The following VPS45 variants were observed in gnomAD, a reference collection of about 807,000 sequenced individuals.
VPS45 encodes the protein vacuolar protein sorting-associated protein 45.
In VPS45, 35 loss-of-function variants were observed where a neutral mutation model predicts 75.9. The observed-to-expected ratio is 0.46, with a 90% CI of 0.35 to 0.61. The LOEUF (loss-of-function observed/expected upper bound fraction) is 0.61. Ranked by LOEUF, VPS45 falls within the 20% of genes least tolerant of loss-of-function variation. VPS45 has a pLI of 0.00. For synonymous variants in VPS45, 220 were observed against 238.2 expected (o/e 0.92, Z 0.70); for missense variants, 559 against 685.9 (o/e 0.81, Z 2.07).
In VPS45 at chr1:150,136,743, A is replaced by G. The variant is rs115498242; in HGVS notation, c.1626-7966A>G. ...AGAAAGAGCAGTCAAGGCTGAGGAA[A>G]AGCATGATTAAGGACAGGAGCAAGA... On this transcript the variant is annotated intron_variant, in intron 14 of 14. Coordinates refer to ENST00000644510, the MANE Select transcript of VPS45 (RefSeq NM_007259.5). Among the ~76,000 whole-genome samples the G allele has an allele frequency of 5.5e-3, 821 of 150,616 alleles. 12 individuals carry two copies. Among genetic ancestry groups the G allele is most frequent in the African/African-American group, 0.019 (782 of 40,830 alleles).
At chr1:150,097,320 G>A (rs1323697018) in intron 13 of VPS45, among the ~76,000 whole-genome samples, 1 of 150,714 alleles carries the variant, frequency 6.6e-6, no homozygotes, top group Non-Finnish European at 1.5e-5. Flanking sequence ...TCCTGACCTC[G>A]TGATCCGCCC....
chr1:150,121,260 C>T (rs2101629298), intron 14 of VPS45, among the ~76,000 whole-genome samples: 1 of 152,284 alleles, frequency 6.6e-6, no homozygotes, highest in Non-Finnish European at 1.5e-5. Context: ...TTTTGTATTA[C>T]TTCCCTTTTT....
chr1:150,067,490 C>T (rs1191523197), upstream of VPS45: 10 of 237,446 alleles, frequency 4.2e-5, no homozygotes, highest in African/African-American at 1.8e-4. Flanking sequence ...AACCTTGTGC[C>T]AGGTTCCTCA....
chr1:150,103,021 T>A (rs587634465), intron 13 of VPS45, among the ~76,000 whole-genome samples: 13 of 151,632 alleles, frequency 8.6e-5, no homozygotes, highest in African/African-American at 2.9e-4. Context: ...AAGTTAAAAA[T>A]TTTTAAAAAG....
chr1:150,103,998 C>T (rs1003356318), intron 13 of VPS45, among the ~76,000 whole-genome samples: 1 of 152,044 alleles, frequency 6.6e-6, no homozygotes. Context: ...ATCCATTATG[C>T]AGTTTATCTT....
Position 150,144,938 on chromosome 1 carries a change from T to G in VPS45, c.*142T>G, listed in dbSNP as rs1559953699. On this transcript the variant is annotated 3_prime_UTR_variant, in exon 15 of 15. Coordinates refer to ENST00000644510, the MANE Select transcript of VPS45 (RefSeq NM_007259.5). ...TCCAGGTAGCCCACGGATACGTGGT[T>G]GGCACAGACACAAGACTCCCAGAGT... 6.5e-7 allele frequency: 1 copy of G among 1,540,822 alleles called. No homozygotes were observed. Among genetic ancestry groups the G allele is most frequent in the Middle Eastern group, 1.8e-4 (1 of 5,552 alleles).
At chr1:150,108,027 C>T (rs1657429664) in intron 13 of VPS45, among the ~76,000 whole-genome samples, 1 of 152,082 alleles carries the variant, frequency 6.6e-6, no homozygotes, top group Non-Finnish European at 1.5e-5. Context: ...ACTTCTGCTC[C>T]AAAGGAAGAG....
chr1:150,082,871 T>C lies in VPS45; in HGVS notation c.1092T>C (p.Ser364=). 1 of 1,613,934 alleles carries C rather than the reference T, an allele frequency of 6.2e-7. No individual in the cohort carries two copies. The highest frequency in any genetic ancestry group is 1.3e-5 in the African/African-American group (1 of 75,062). Residue 364 remains serine, a synonymous_variant, in exon 10 of 15, where the codon TCT becomes TCC. Transcript: ENST00000644510. ...AACTGGCCTGTCAAAATGACCATTC[T>C]AGTGCTCTCCAGGTCAGTCCAATTT... is the stretch of plus-strand genomic sequence containing the variant. ...EQELACQNDH[S]SALQNIKRLL... is the part of the protein sequence containing the mutation.
At chr1:150,077,273 T>A in intron 6 of VPS45, 42 bp downstream of exon 6, 2 of 1,585,514 alleles carry the variant, frequency 1.3e-6, no homozygotes, top group Non-Finnish European at 8.6e-7. Context: ...ATAAAGGCCA[T>A]TCATTTCTCT....
At chr1:150,143,530 G>A (rs1410530234) in intron 14 of VPS45, among the ~76,000 whole-genome samples, 7 of 151,470 alleles carry the variant, frequency 4.6e-5, no homozygotes, top group African/African-American at 1.7e-4. Flanking sequence ...AGAAGTTGCA[G>A]TGAGCTGAGA....
chr1:150,121,832 C>T (rs78455388), intron 14 of VPS45, among the ~76,000 whole-genome samples: 228 of 152,230 alleles, frequency 1.5e-3, no homozygotes, highest in African/African-American at 5.3e-3. Context: ...TGTGAAGCTT[C>T]ATTTTAATGC....
chr1:150,110,331 C>CA (rs1559928118), intron 13 of VPS45, 165 bp from the exon 14 acceptor site: 1 of 600,122 alleles, frequency 1.7e-6, no homozygotes, highest in Non-Finnish European at 2.7e-6. Flanking sequence ...TGTTTCCTGC[C>CA]AATTTCAGAT....
At chr1:150,076,077 T>TATATATATATATATAA (rs1313052333) in intron 3 of VPS45, among the ~76,000 whole-genome samples, 156 bp from the exon 4 acceptor site, 2 of 148,776 alleles carry the variant, frequency 1.3e-5, no homozygotes, top group African/African-American at 5.0e-5. Context: ...TATATATATA[T>TATATATATATATATAA]ATATATAAAA....
chr1:150,111,937 T>A (rs79737776), intron 14 of VPS45, among the ~76,000 whole-genome samples: 2,956 of 152,258 alleles, frequency 0.019, 94 homozygotes, highest in African/African-American at 0.068. Context: ...TGTAAACGTC[T>A]TCTAGTGTTA....
At chr1:150,081,825 C>G (rs1655728975) in intron 8 of VPS45, 59 bp from the exon 9 acceptor site, 1 of 1,079,262 alleles carries the variant, frequency 9.3e-7, no homozygotes, top group Non-Finnish European at 1.4e-6. Flanking sequence ...TCACTTCTTT[C>G]AAGTTGTCTG....
chr1:150,079,472 C>G (rs999528198), intron 7 of VPS45, among the ~76,000 whole-genome samples: 3 of 152,188 alleles, frequency 2.0e-5, no homozygotes, highest in Admixed American at 6.5e-5. Flanking sequence ...GTGATCTCAG[C>G]TCACTGCAAC....
At chr1:150,128,594 A>G (rs911902443) in intron 14 of VPS45, among the ~76,000 whole-genome samples, 1 of 152,222 alleles carries the variant, frequency 6.6e-6, no homozygotes, top group South Asian at 2.1e-4. Flanking sequence ...TGTAACCACC[A>G]GTAGGTTCAA....
At position 150,068,771 on chromosome 1, in the gene VPS45, C is replaced by A. The variant is rs782018422; in HGVS notation, c.228+7C>A. On this transcript the variant is annotated splice_region_variant and intron_variant, in intron 2 of 14. Transcript: ENST00000644510. ...TTTTCTTCGACCTACAAAGGTACTGCATAAACTGAGCTTCCATCTGCCCAG... is the reference window on the plus strand; with the variant it reads ...TTTTCTTCGACCTACAAAGGTACTGAATAAACTGAGCTTCCATCTGCCCAG... 6.3e-7 allele frequency: 1 copy of A among 1,597,442 alleles called. No individual in the cohort carries two copies. Among genetic ancestry groups the A allele is most frequent in the Admixed American group, 1.8e-5 (1 of 56,462 alleles).
rs1553798264 is a variant in VPS45 at position 150,077,102 on chromosome 1, T to C, written c.447T>C (p.Asn149=). 1.2e-6 allele frequency: 2 copies of C among 1,613,830 alleles called. No homozygotes were observed. The highest frequency in any genetic ancestry group is 1.7e-5 in the Admixed American group (1 of 59,950). ...ATGTTTTTAACAAAAAGGGTCGAAATTGGGATCCAGCCCAGCTATCTAGAA... is the reference window on the plus strand; with the variant it reads ...ATGTTTTTAACAAAAAGGGTCGAAACTGGGATCCAGCCCAGCTATCTAGAA... ...LNILGCCQGR[N]WDPAQLSRTT... is the part of the protein sequence containing the mutation. The change falls in exon 6 of 15, where the codon AAT becomes AAC. Residue 149 remains asparagine, a synonymous_variant. Transcript: ENST00000644510.
Sources: gnomAD v4.1 joint callset for allele counts (sites outside exome capture counted in the v4.1 genomes callset) on GRCh38, gnomAD v4.1.1 for gene constraint, MANE v1.5 for transcripts, NCBI Gene and HGNC (gene_info 2026-07-23, HGNC 2026-07-21) for gene names.